Variants in PDE4D observed in about 807,000 individuals in gnomAD.
PDE4D encodes phosphodiesterase 4D.
PDE4D carries 24 observed loss-of-function variants against 87.4 expected under a neutral mutation model. The ratio of observed to expected loss-of-function variants is 0.27; its 90% CI spans 0.20 to 0.39. PDE4D has a LOEUF of 0.39. Among genes scored for constraint, PDE4D ranks in the 10% least tolerant of loss-of-function variants. The pLI, the probability that PDE4D is intolerant of heterozygous loss-of-function variation, is 1.00. For missense variants in PDE4D, 714 were observed against 1,041.0 expected (o/e 0.69, Z 4.32); for synonymous variants, 384 against 383.2 (o/e 1.00, Z -0.02).
intron 3 of PDE4D, among the ~76,000 whole-genome samples, chr5:59,932,059 A>G (rs1403185439): frequency 1.3e-5 from 2 of 152,218 alleles, no homozygotes; most frequent in Non-Finnish European, 2.9e-5. Flanking sequence ...GCCATGGCAC[A>G]TATGCCTTTC....
At chr5:60,358,291 C>T (rs1759781710) in intron 1 of PDE4D, among the ~76,000 whole-genome samples, 1 of 152,166 alleles carries the variant, frequency 6.6e-6, no homozygotes, top group Non-Finnish European at 1.5e-5. Context: ...TGCTGATTCC[C>T]AGGGAATGAG....
At chr5:60,419,704 T>C in intron 1 of PDE4D, among the ~76,000 whole-genome samples, 1 of 152,312 alleles carries the variant, frequency 6.6e-6, no homozygotes, top group East Asian at 1.9e-4. Context: ...TATATATTTC[T>C]GCTTCCAGCT....
chr5:59,636,070 A>G (rs138215376), intron 1 of PDE4D, among the ~76,000 whole-genome samples: 2,665 of 123,998 alleles, frequency 0.021, 75 homozygotes, highest in African/African-American at 0.077. Flanking sequence ...CAAAAATCAC[A>G]ATCATTCCTA....
intron 3 of PDE4D, among the ~76,000 whole-genome samples, chr5:59,980,822 G>GA (rs1761850388): frequency 6.6e-6 from 1 of 152,178 alleles, no homozygotes. Flanking sequence ...TGATAGGTGA[G>GA]AAAAAAGTCA....
At chr5:59,436,798 A>G (rs1796861291) in intron 1 of PDE4D, among the ~76,000 whole-genome samples, 1 of 152,206 alleles carries the variant, frequency 6.6e-6, no homozygotes, top group Non-Finnish European at 1.5e-5. Context: ...TTATTTTACT[A>G]TTAACTGTCA....
chr5:58,989,778 G>A lies in PDE4D; in HGVS notation c.1429C>T (p.Leu477=). ...AADVVQSTHV[L]LSTPALEAVF... is the part of the protein sequence containing the mutation. ...ACCTCCAAAGCAGGTGTAGATAATA[G>A]CACATGAGTAGACTGGACAACATCT... The change falls in exon 10 of 15, where the codon CTA becomes TTA. Residue 477 remains leucine (L), a synonymous_variant. Transcript: ENST00000340635. 6.2e-7 allele frequency: 1 copy of A among 1,607,856 alleles called. No homozygotes were observed. Among genetic ancestry groups the A allele is most frequent in the South Asian group, 1.1e-5 (1 of 89,564 alleles).
chr5:59,570,542 A>G (rs1821653068), intron 1 of PDE4D, among the ~76,000 whole-genome samples: 1 of 152,156 alleles, frequency 6.6e-6, no homozygotes, highest in African/African-American at 2.4e-5. Flanking sequence ...TGCTCTTAAA[A>G]TCATGTTATT....
chr5:59,431,474 T>C (rs1796104285), intron 1 of PDE4D, among the ~76,000 whole-genome samples: 1 of 152,128 alleles, frequency 6.6e-6, no homozygotes, highest in Non-Finnish European at 1.5e-5. Flanking sequence ...CCAGTTTATT[T>C]AAGCATCCTG....
chr5:59,959,137 C>A (rs1381638968), intron 3 of PDE4D, among the ~76,000 whole-genome samples: 10 of 123,002 alleles, frequency 8.1e-5, no homozygotes, highest in African/African-American at 3.0e-4. Context: ...CACACAAATA[C>A]CTAGGACTAT....
intron 1 of PDE4D, among the ~76,000 whole-genome samples, chr5:59,622,995 T>A (rs890276876): frequency 6.6e-6 from 1 of 152,212 alleles, no homozygotes. Flanking sequence ...ATTTCATTGA[T>A]ATTATGATGA....
At chr5:59,058,323 G>A (rs753884535) in intron 5 of PDE4D, among the ~76,000 whole-genome samples, 1 of 152,232 alleles carries the variant, frequency 6.6e-6, no homozygotes, top group South Asian at 2.1e-4. Context: ...CCAGGGGAGA[G>A]AAATCCCTAA....
chr5:60,054,982 G>T (rs184333100), intron 2 of PDE4D, among the ~76,000 whole-genome samples: 3 of 152,100 alleles, frequency 2.0e-5, no homozygotes, highest in African/African-American at 7.2e-5. Flanking sequence ...GATAACTACA[G>T]ATGTGAAGTC....
At chr5:60,148,903 G>A (rs1024038540) in intron 2 of PDE4D, among the ~76,000 whole-genome samples, 23 of 152,154 alleles carry the variant, frequency 1.5e-4, no homozygotes, top group Non-Finnish European at 2.6e-4. Flanking sequence ...ATATGTTGCC[G>A]TCTTTGAAAG....
At chr5:60,409,300 A>G (rs1030676132) in intron 1 of PDE4D, among the ~76,000 whole-genome samples, 4 of 152,140 alleles carry the variant, frequency 2.6e-5, no homozygotes, top group African/African-American at 9.7e-5. Flanking sequence ...AGTAATTATT[A>G]CATACCCCAA....
At chr5:59,661,617 T>C (rs1204817987) in intron 1 of PDE4D, among the ~76,000 whole-genome samples, 1 of 152,162 alleles carries the variant, frequency 6.6e-6, no homozygotes, top group Admixed American at 6.6e-5. Context: ...TACCATGCAA[T>C]CCTATTAATT....
At chr5:59,357,112 A>T (rs759919134) in intron 1 of PDE4D, 4 of 365,806 alleles carry the variant, frequency 1.1e-5, no homozygotes, top group African/African-American at 2.1e-5. Context: ...TAACGTGAGA[A>T]ACACTCCCTC....
rs868443008 is a variant in PDE4D at position 60,038,199 on chromosome 5, C to T, written c.43-49482G>A. Among the ~76,000 whole-genome samples, 5 of 152,130 alleles carry T rather than the reference C, an allele frequency of 3.3e-5. 1 individual carries two copies. In the South Asian group the frequency reaches 6.2e-4, roughly 19 times the overall value. ...GTGTTTTAGACATGAAGTCCTTGCCCATGCCTATGTCCTGAATGGTAATGT... is the reference window on the plus strand; with the variant it reads ...GTGTTTTAGACATGAAGTCCTTGCCTATGCCTATGTCCTGAATGGTAATGT... On this transcript the variant is annotated intron_variant, in intron 2 of 16. Transcript: ENST00000502484.
intron 6 of PDE4D, among the ~76,000 whole-genome samples, chr5:59,022,682 G>C (rs534595488): frequency 6.6e-6 from 1 of 152,170 alleles, no homozygotes; most frequent in East Asian, 1.9e-4. Context: ...GCACATGTTA[G>C]AGGGCACATG....
At chr5:60,338,414 T>C (rs908933411) in intron 1 of PDE4D, among the ~76,000 whole-genome samples, 1 of 152,190 alleles carries the variant, frequency 6.6e-6, no homozygotes, top group Non-Finnish European at 1.5e-5. Context: ...TGAAAGCCAA[T>C]GGGCGCCACC....
Sources: allele counts gnomAD v4.1 joint callset (sites outside exome capture counted in the v4.1 genomes callset), GRCh38; gene constraint gnomAD v4.1.1; transcripts MANE v1.5; gene names NCBI Gene and HGNC (gene_info 2026-07-23, HGNC 2026-07-21).